The following ANO3 variants were observed in gnomAD, a reference collection of about 807,000 sequenced individuals.
The protein encoded by ANO3 is anoctamin 3.
A neutral mutation model predicts 144.8 loss-of-function variants in ANO3; 99 were observed. That is an observed-to-expected ratio of 0.68 (90% CI 0.58 to 0.81). The LOEUF is 0.81. Ranked by LOEUF, ANO3 falls within the 30% of genes least tolerant of loss-of-function variation. The pLI is 0.00. For synonymous variants in ANO3, 414 were observed against 392.6 expected (o/e 1.05, Z -0.64); for missense variants, 905 against 1,202.2 (o/e 0.75, Z 3.66).
chr11:26,466,248 G>A (rs1268823091), intron 4 of ANO3, among the ~76,000 whole-genome samples: 1 of 151,926 alleles, frequency 6.6e-6, no homozygotes, highest in Non-Finnish European at 1.5e-5. Context: ...ATTAGAGGCA[G>A]CACTAAACAT....
chr11:26,500,283 G>C (rs866401748), intron 4 of ANO3, among the ~76,000 whole-genome samples: 2 of 151,734 alleles, frequency 1.3e-5, no homozygotes, highest in African/African-American at 4.8e-5. Flanking sequence ...GCAAGTTTTT[G>C]TGTAGATGCA....
At chr11:26,327,138 G>T (rs529048335), upstream of ANO3, among the ~76,000 whole-genome samples, 1 of 152,308 alleles carries the variant, frequency 6.6e-6, no homozygotes, top group East Asian at 1.9e-4. Flanking sequence ...ATAAAGAGTA[G>T]TTGAGGATTA....
intron 1 of ANO3, among the ~76,000 whole-genome samples, chr11:26,203,726 T>C (rs994095053): frequency 6.6e-6 from 1 of 152,118 alleles, no homozygotes. Context: ...AAACTGAAGG[T>C]CAGAGTTATA....
chr11:26,315,910 T>C (rs940230694), intron 1 of ANO3, among the ~76,000 whole-genome samples: 5 of 152,210 alleles, frequency 3.3e-5, no homozygotes, highest in African/African-American at 9.6e-5. Context: ...AACATAGCCC[T>C]ATTAATATTG....
chr11:26,452,455 C>T (rs908280396), intron 3 of ANO3, among the ~76,000 whole-genome samples: 25 of 151,942 alleles, frequency 1.6e-4, no homozygotes, highest in African/African-American at 6.0e-4. Flanking sequence ...GGAGCCGATG[C>T]GATCAACTGG....
intron 1 of ANO3, among the ~76,000 whole-genome samples, chr11:26,297,845 G>A (rs1290120921): frequency 6.6e-6 from 1 of 152,132 alleles, no homozygotes; most frequent in African/African-American, 2.4e-5. Context: ...GGGAAAGGAG[G>A]CTGAGGAAGT....
At chr11:26,308,916 G>A (rs1375809838), upstream of ANO3, among the ~76,000 whole-genome samples, 1 of 152,098 alleles carries the variant, frequency 6.6e-6, no homozygotes, top group Non-Finnish European at 1.5e-5. Flanking sequence ...TTTCAAGGTA[G>A]TTCTTATTAT....
intron 6 of ANO3, among the ~76,000 whole-genome samples, chr11:26,523,545 A>T (rs1055967038): frequency 5.3e-5 from 8 of 152,206 alleles, no homozygotes; most frequent in African/African-American, 1.9e-4. Flanking sequence ...AAGAATTCAT[A>T]TACATTTCAA....
chr11:26,444,725 C>T (rs910657201), intron 3 of ANO3, among the ~76,000 whole-genome samples: 2 of 152,098 alleles, frequency 1.3e-5, no homozygotes, highest in Admixed American at 6.6e-5. Context: ...CTTGGTTTTT[C>T]TCTACAGGCA....
intron 1 of ANO3, among the ~76,000 whole-genome samples, chr11:26,193,473 A>G (rs901352740): frequency 6.6e-6 from 1 of 151,998 alleles, no homozygotes; most frequent in Admixed American, 6.6e-5. Flanking sequence ...CCAATAAACT[A>G]TCTGTGTTGT....
intron 14 of ANO3, among the ~76,000 whole-genome samples, chr11:26,562,663 A>C (rs1850338830): frequency 6.6e-6 from 1 of 151,954 alleles, no homozygotes; most frequent in East Asian, 1.9e-4. Context: ...GAGCCTCATT[A>C]AGATGGTTAA....
intron 1 of ANO3, among the ~76,000 whole-genome samples, chr11:26,245,018 T>TGCGCGCGTGC (rs1554928313): frequency 6.2e-5 from 9 of 145,324 alleles, no homozygotes; most frequent in African/African-American, 2.0e-4. Context: ...TGTGTGTGTG[T>TGCGCGCGTGC]GTGCATGCAT....
At chr11:26,298,023 C>T (rs1398925549) in intron 1 of ANO3, among the ~76,000 whole-genome samples, 1 of 152,164 alleles carries the variant, frequency 6.6e-6, no homozygotes, top group Non-Finnish European at 1.5e-5. Context: ...AATCCTTGAA[C>T]ATGTTGGGAT....
At chr11:26,453,598 CAA>C (rs1166052988) in intron 3 of ANO3, among the ~76,000 whole-genome samples, 1 of 151,964 alleles carries the variant, frequency 6.6e-6, no homozygotes, top group Non-Finnish European at 1.5e-5. Context: ...GAGTGACCTA[CAA>C]AGAGACTTAG....
intron 1 of ANO3, among the ~76,000 whole-genome samples, chr11:26,387,270 C>T (rs2133957842): frequency 6.6e-6 from 1 of 151,764 alleles, no homozygotes; most frequent in Non-Finnish European, 1.5e-5. Context: ...CCACCCACGG[C>T]CTTTCAAGTG....
intron 17 of ANO3, among the ~76,000 whole-genome samples, chr11:26,619,771 A>C (rs1049317603): frequency 2.6e-5 from 4 of 152,168 alleles, no homozygotes; most frequent in Non-Finnish European, 4.4e-5. Context: ...CCGGCCAAAA[A>C]ACTACAGATT....
At chr11:26,451,416 G>C (rs1401945079) in intron 3 of ANO3, among the ~76,000 whole-genome samples, 1 of 152,186 alleles carries the variant, frequency 6.6e-6, no homozygotes, top group Non-Finnish European at 1.5e-5. Flanking sequence ...TTAAAAAACG[G>C]CACACCAGGA....
chr11:26,584,147 TTTTGTTTGTTTG>T (rs146545367), intron 14 of ANO3, among the ~76,000 whole-genome samples: 2 of 148,830 alleles, frequency 1.3e-5, no homozygotes, highest in African/African-American at 2.6e-5. Flanking sequence ...TGTCTTGTTT[TTTTGTTTGTTTG>T]TTTGTTTGTT....
At chr11:26,237,471 A>T (rs901805868) in intron 1 of ANO3, among the ~76,000 whole-genome samples, 49 of 152,026 alleles carry the variant, frequency 3.2e-4, no homozygotes, top group African/African-American at 1.1e-3. Context: ...CTATTGCAAC[A>T]TATTTTATGT....
Sources: gnomAD v4.1 joint callset for allele counts (sites outside exome capture counted in the v4.1 genomes callset) on GRCh38, gnomAD v4.1.1 for gene constraint, MANE v1.5 for transcripts, NCBI Gene and HGNC (gene_info 2026-07-23, HGNC 2026-07-21) for gene names.